The following CUX1 variants were observed in gnomAD, a reference collection of about 807,000 sequenced individuals.
CUX1 encodes cut like homeobox 1, also known as protein CASP.
In CUX1, 31 loss-of-function variants were observed where a neutral mutation model predicts 158.8. The ratio of observed to expected loss-of-function variants is 0.20; its 90% confidence interval spans 0.15 to 0.26. The LOEUF (loss-of-function observed/expected upper bound fraction) is 0.26. Ranked by LOEUF, CUX1 falls within the 10% of genes least tolerant of loss-of-function variation. The pLI is 1.00. For synonymous variants in CUX1, 879 were observed against 862.1 expected (o/e 1.02, Z -0.34); for missense variants, 1,589 against 2,014.6 (o/e 0.79, Z 4.04).
chr7:101,970,793 T>C (rs1811858957), intron 2 of CUX1, among the ~76,000 whole-genome samples: 1 of 152,114 alleles, frequency 6.6e-6, no homozygotes, highest in South Asian at 2.1e-4. Context: ...TGACCTCAGC[T>C]GACCCACCTG....
intron 1 of CUX1, among the ~76,000 whole-genome samples, chr7:101,890,642 A>G (rs1800781638): frequency 1.3e-5 from 2 of 152,166 alleles, no homozygotes; most frequent in African/African-American, 2.4e-5. Flanking sequence ...TAAAATATAT[A>G]GAGAGGTTGG....
At chr7:101,884,884 C>T (rs929804356) in intron 1 of CUX1, among the ~76,000 whole-genome samples, 9 of 152,114 alleles carry the variant, frequency 5.9e-5, no homozygotes, top group Admixed American at 5.9e-4. Flanking sequence ...TCCCCGGCTC[C>T]AGTTCTGCCT....
chr7:102,283,136 C>A, exon 23 of CUX1: 2 of 1,480,710 alleles, frequency 1.4e-6, no homozygotes, highest in Non-Finnish European at 1.9e-6. Context: ...GCCTCCACCC[C>A]GACTGCTCAG....
At chr7:102,148,311 G>C (rs1013050288) in intron 8 of CUX1, among the ~76,000 whole-genome samples, 15 of 152,138 alleles carry the variant, frequency 9.9e-5, no homozygotes, top group African/African-American at 2.7e-4. Context: ...GGCCAAGGCA[G>C]GCAGATCACC....
intron 20 of CUX1, among the ~76,000 whole-genome samples, chr7:102,215,878 C>T (rs1796995663): frequency 6.6e-6 from 1 of 152,212 alleles, no homozygotes; most frequent in South Asian, 2.1e-4. Flanking sequence ...GGGAGGAGGA[C>T]AGGCTGCTCT....
chr7:101,909,066 CAA>C (rs995647971), intron 1 of CUX1, among the ~76,000 whole-genome samples: 3 of 147,156 alleles, frequency 2.0e-5, no homozygotes, highest in African/African-American at 2.5e-5. Context: ...GAGGCCGAGA[CAA>C]GAGGATCGCT....
Position 102,230,300 on chromosome 7 carries a change from A to C in CUX1, c.3433+2631A>C, listed in dbSNP as rs1586345723. Among the ~76,000 whole-genome samples, 3 of 151,276 alleles carry C rather than the reference A, an allele frequency of 2.0e-5. No individual in the cohort carries two copies. In the East Asian group the frequency reaches 5.8e-4, roughly 29 times the overall value. ...AGACCAGCCTGGGCAACACAGTGAG[A>C]CCCCGTCTCTACAAAAAAAAAATTT... On this transcript the variant is annotated intron_variant, in intron 21 of 23. Transcript: ENST00000292535.
chr7:101,957,292 G>A (rs1809898677), intron 2 of CUX1, among the ~76,000 whole-genome samples: 1 of 152,210 alleles, frequency 6.6e-6, no homozygotes, highest in Admixed American at 6.5e-5. Flanking sequence ...CACAAGGGCT[G>A]GTGAACATGA....
chr7:102,136,564 T>C (rs1176882690), intron 8 of CUX1, among the ~76,000 whole-genome samples: 1 of 152,176 alleles, frequency 6.6e-6, no homozygotes, highest in Non-Finnish European at 1.5e-5. Context: ...CTAATTTTTG[T>C]ATTTTTAATG....
At chr7:101,860,643 AGTCT>A (rs1023436346) in intron 1 of CUX1, among the ~76,000 whole-genome samples, 5 of 151,962 alleles carry the variant, frequency 3.3e-5, no homozygotes, top group African/African-American at 9.7e-5. Flanking sequence ...GGATTGTACT[AGTCT>A]GTCTGTCTTT....
intron 11 of CUX1, among the ~76,000 whole-genome samples, chr7:102,179,028 CTTAT>C (rs1792723419): frequency 6.6e-6 from 1 of 152,100 alleles, no homozygotes; most frequent in Admixed American, 6.5e-5. Context: ...CCATGCCCGG[CTTAT>C]TTGTTTATTT....
chr7:102,145,786 A>G (rs1834966128), intron 8 of CUX1, among the ~76,000 whole-genome samples: 1 of 152,052 alleles, frequency 6.6e-6, no homozygotes, highest in African/African-American at 2.4e-5. Context: ...GCCTCTACTA[A>G]AAATACAAAA....
intron 1 of CUX1, among the ~76,000 whole-genome samples, chr7:101,898,491 C>T (rs1222792282): frequency 3.3e-5 from 5 of 151,890 alleles, no homozygotes; most frequent in African/African-American, 1.2e-4. Context: ...ATCCTATTTT[C>T]TCTTCTTGGG....
rs368212046 is a variant in CUX1 at position 102,153,377 on chromosome 7, G to A, written c.675-5183G>A. ...CAACACCAGGTCGCAAGTGAGGAGT[G>A]GATGAAAGCAGCCAGGGGCGGGCCA... On this transcript the variant is annotated intron_variant, in intron 8 of 23. Coordinates refer to ENST00000292535, the MANE Select transcript of CUX1 (RefSeq NM_181552.4). 15 of 152,458 alleles carry A rather than the reference G, an allele frequency of 9.8e-5. No individual in the cohort carries two copies. In the East Asian group the frequency reaches 2.7e-3, roughly 27 times the overall value. The allele number at this position is 152,458 out of a possible 1,614,324, so 9.4% of individuals were successfully genotyped here. A position where few individuals can be genotyped will look rare whatever the true frequency, so the allele number is the denominator to read the frequency against.
At chr7:102,163,695 A>G (rs1343368221) in intron 9 of CUX1, among the ~76,000 whole-genome samples, 2 of 152,210 alleles carry the variant, frequency 1.3e-5, no homozygotes, top group East Asian at 3.8e-4. Flanking sequence ...AGCTGAGGCC[A>G]TCCCTGCGGA....
intron 19 of CUX1, 116 bp from the exon 20 acceptor site, chr7:102,204,998 G>T: frequency 2.8e-6 from 2 of 708,832 alleles, no homozygotes; most frequent in Non-Finnish European, 2.4e-6. Flanking sequence ...GGGTCCCCAT[G>T]CCCGCCCCTC....
intron 2 of CUX1, among the ~76,000 whole-genome samples, chr7:101,989,307 G>A (rs1205205239): frequency 2.0e-5 from 3 of 152,342 alleles, no homozygotes; most frequent in South Asian, 2.1e-4. Flanking sequence ...CGATGTCTGC[G>A]CCGACCAGTG....
intron 1 of CUX1, among the ~76,000 whole-genome samples, chr7:101,857,671 G>A (rs965172699): frequency 1.3e-5 from 2 of 152,232 alleles, no homozygotes; most frequent in South Asian, 2.1e-4. Flanking sequence ...TTGCCAGGCC[G>A]TCACCCCTCT....
chr7:102,242,019 T>C (rs1800276576), intron 23 of CUX1, among the ~76,000 whole-genome samples: 1 of 152,132 alleles, frequency 6.6e-6, no homozygotes, highest in African/African-American at 2.4e-5. Context: ...ATTCCAAATT[T>C]AGCAATCAGA....
Sources: allele counts gnomAD v4.1 joint callset (sites outside exome capture counted in the v4.1 genomes callset), GRCh38; gene constraint gnomAD v4.1.1; transcripts MANE v1.5; gene names NCBI Gene and HGNC (gene_info 2026-07-23, HGNC 2026-07-21).